NAV3: variants seen among roughly 807,000 people sequenced by gnomAD.
NAV3 encodes neuron navigator 3, also known as pore membrane and/or filament interacting like protein 1.
NAV3 carries 87 observed loss-of-function variants against 244.7 expected under a neutral mutation model. The observed-to-expected ratio is 0.36, with a 90% CI of 0.30 to 0.42. The LOEUF (loss-of-function observed/expected upper bound fraction) is 0.42, where lower values mean the gene tolerates loss of function less well. Among genes scored for constraint, NAV3 ranks in the 20% least tolerant of loss-of-function variants. The pLI is 1.00. For synonymous variants in NAV3, 1,126 were observed against 1,042.2 expected (o/e 1.08, Z -1.55); for missense variants, 2,663 against 2,893.3 (o/e 0.92, Z 1.83).
intron 9 of NAV3, among the ~76,000 whole-genome samples, chr12:78,045,262 T>C (rs994156412): frequency 2.6e-5 from 4 of 152,112 alleles, no homozygotes; most frequent in Admixed American, 6.6e-5. Context: ...ACCAGCCTTG[T>C]ATCCCAGCAA....
intron 3 of NAV3, among the ~76,000 whole-genome samples, chr12:77,962,979 C>T (rs1892159920): frequency 6.6e-6 from 1 of 151,958 alleles, no homozygotes; most frequent in Non-Finnish European, 1.5e-5. Flanking sequence ...TAAAATTTCA[C>T]CCAAATTTTT....
chr12:77,580,252 A>G (rs1462229690), intron 2 of NAV3, among the ~76,000 whole-genome samples: 1 of 130,008 alleles, frequency 7.7e-6, no homozygotes, highest in African/African-American at 2.7e-5. Flanking sequence ...ACACACACAC[A>G]CACACACACA....
intron 2 of NAV3, among the ~76,000 whole-genome samples, chr12:77,806,737 C>T (rs1039463937): frequency 6.6e-5 from 10 of 152,128 alleles, no homozygotes; most frequent in African/African-American, 1.9e-4. Context: ...TTTTCTGTCT[C>T]GTTGATCTGT....
At chr12:77,693,602 T>C (rs571791211) in intron 2 of NAV3, among the ~76,000 whole-genome samples, 2 of 152,246 alleles carry the variant, frequency 1.3e-5, no homozygotes, top group South Asian at 2.1e-4. Context: ...GACTTTCATA[T>C]TGTTGTGGTG....
intron 2 of NAV3, among the ~76,000 whole-genome samples, chr12:77,753,913 A>G (rs1464658832): frequency 6.6e-6 from 1 of 152,208 alleles, no homozygotes; most frequent in Non-Finnish European, 1.5e-5. Flanking sequence ...ACTAAGAAAG[A>G]TTTAAATTTC....
intron 1 of NAV3, among the ~76,000 whole-genome samples, chr12:77,910,089 T>G (rs970990637): frequency 1.3e-5 from 2 of 152,076 alleles, no homozygotes; most frequent in Admixed American, 1.3e-4. Context: ...GATAGGAAAT[T>G]TGGGTATTCT....
At chr12:77,842,753 C>T (rs17044356) in intron 1 of NAV3, among the ~76,000 whole-genome samples, 23,262 of 151,862 alleles carry the variant, frequency 0.15, 4,477 homozygotes, top group African/African-American at 0.46. Context: ...TCCTTTCAGA[C>T]CATGATAAGC....
At chr12:77,688,304 C>A (rs560301602) in intron 2 of NAV3, among the ~76,000 whole-genome samples, 1 of 151,956 alleles carries the variant, frequency 6.6e-6, no homozygotes, top group Non-Finnish European at 1.5e-5. Flanking sequence ...AAAAAGACTA[C>A]CCCTGACCCC....
intron 2 of NAV3, among the ~76,000 whole-genome samples, chr12:77,726,357 A>C (rs1209634930): frequency 1.3e-5 from 2 of 151,884 alleles, no homozygotes; most frequent in African/African-American, 2.4e-5. Flanking sequence ...TGGCCACTTA[A>C]CTTATTTAAA....
At chr12:78,088,622 C>T (rs1416183738) in intron 12 of NAV3, 2 of 152,086 alleles carry the variant, frequency 1.3e-5, no homozygotes, top group Non-Finnish European at 2.9e-5. Context: ...CAGGAAATAA[C>T]TAAATAAGCA....
At chr12:77,614,760 AG>A (rs2136837983) in intron 2 of NAV3, among the ~76,000 whole-genome samples, 1 of 152,328 alleles carries the variant, frequency 6.6e-6, no homozygotes, top group Admixed American at 6.5e-5. Context: ...CATACTTGTT[AG>A]GATTGAACAC....
chr12:77,643,884 A>T (rs937297054), intron 2 of NAV3, among the ~76,000 whole-genome samples: 5 of 152,088 alleles, frequency 3.3e-5, no homozygotes, highest in South Asian at 4.1e-4. Flanking sequence ...TGTTTTTATT[A>T]AATCAGCAAT....
chr12:77,740,206 C>T (rs984586931), intron 2 of NAV3, among the ~76,000 whole-genome samples: 3 of 152,114 alleles, frequency 2.0e-5, no homozygotes, highest in African/African-American at 7.2e-5. Flanking sequence ...TTATTACATG[C>T]CATTACTATT....
intron 12 of NAV3, among the ~76,000 whole-genome samples, chr12:78,078,087 G>C (rs1185024636): frequency 6.6e-6 from 1 of 151,712 alleles, no homozygotes; most frequent in Non-Finnish European, 1.5e-5. Context: ...TCTTCACATT[G>C]TCTTCCCTGT....
chr12:77,827,518 G>A (rs1020743057), upstream of NAV3, among the ~76,000 whole-genome samples: 4 of 152,056 alleles, frequency 2.6e-5, no homozygotes, highest in Non-Finnish European at 4.4e-5. Context: ...TATTTCAAAG[G>A]TCATTGCCAC....
chr12:77,786,619 T>C (rs766630835), intron 2 of NAV3, among the ~76,000 whole-genome samples: 1 of 152,104 alleles, frequency 6.6e-6, no homozygotes, highest in Non-Finnish European at 1.5e-5. Flanking sequence ...CAGATGGAGG[T>C]AGATAGGAGC....
chr12:78,150,490 TTTTTTG>T (rs567260312), intron 22 of NAV3, among the ~76,000 whole-genome samples: 1 of 130,910 alleles, frequency 7.6e-6, no homozygotes, highest in African/African-American at 2.7e-5. Flanking sequence ...TATTTCACAT[TTTTTTG>T]TTTTTGTTTT....
chr12:77,767,003 C>T (rs979383054), intron 2 of NAV3, among the ~76,000 whole-genome samples: 1 of 152,036 alleles, frequency 6.6e-6, no homozygotes, highest in Non-Finnish European at 1.5e-5. Flanking sequence ...ATCAGCCCGC[C>T]TTGGCCTCCC....
At chr12:77,701,558 C>A (rs1040741979) in intron 2 of NAV3, among the ~76,000 whole-genome samples, 1 of 151,714 alleles carries the variant, frequency 6.6e-6, no homozygotes, top group East Asian at 1.9e-4. Context: ...CTTTTAGATT[C>A]TTAAGTTAGA....
Sources: allele counts gnomAD v4.1 joint callset (sites outside exome capture counted in the v4.1 genomes callset), GRCh38; gene constraint gnomAD v4.1.1; transcripts MANE v1.5; gene names NCBI Gene and HGNC (gene_info 2026-07-23, HGNC 2026-07-21).